Variants in ELK3 observed in about 807,000 individuals in gnomAD.
ELK3 encodes ETS domain-containing protein Elk-3.
ELK3 carries 10 observed loss-of-function variants against 28.9 expected under a neutral mutation model. The observed-to-expected ratio is 0.35, with a 90% CI of 0.21 to 0.59. The LOEUF (loss-of-function observed/expected upper bound fraction) is 0.59, where lower values mean the gene tolerates loss of function less well. Among genes scored for constraint, ELK3 ranks in the 20% least tolerant of loss-of-function variants. The probability of loss-of-function intolerance (pLI) is 0.82; values close to 1 mark genes in which losing one functional copy is unlikely to be tolerated. For missense variants in ELK3, 463 were observed against 517.3 expected (o/e 0.90, Z 1.02); for synonymous variants, 272 against 243.5 (o/e 1.12, Z -1.09).
chr12:96,242,790 G>A (rs1034621487), intron 2 of ELK3, among the ~76,000 whole-genome samples: 1 of 152,140 alleles, frequency 6.6e-6, no homozygotes, highest in Non-Finnish European at 1.5e-5. Context: ...TTCCCTCCCA[G>A]TTCCACTCTT....
intron 2 of ELK3, among the ~76,000 whole-genome samples, chr12:96,238,833 TG>T (rs1330430700): frequency 6.6e-6 from 1 of 152,214 alleles, no homozygotes; most frequent in African/African-American, 2.4e-5. Context: ...AGCACAGAGC[TG>T]GTTTTCCCAG....
At chr12:96,231,214 G>A (rs934918797) in intron 2 of ELK3, among the ~76,000 whole-genome samples, 2 of 151,832 alleles carry the variant, frequency 1.3e-5, no homozygotes, top group Non-Finnish European at 1.5e-5. Context: ...TTTTGGATAA[G>A]TTTTTTTTTC....
intron 4 of ELK3, among the ~76,000 whole-genome samples, chr12:96,266,048 A>C (rs948330006): frequency 6.6e-6 from 1 of 152,228 alleles, no homozygotes; most frequent in Non-Finnish European, 1.5e-5. Flanking sequence ...ACTTATTTGA[A>C]ATCTGTTTTC....
chr12:96,196,456 C>T (rs962977764), intron 1 of ELK3, among the ~76,000 whole-genome samples: 10 of 152,064 alleles, frequency 6.6e-5, no homozygotes, highest in Admixed American at 6.5e-4. Context: ...GGCATCTATT[C>T]ATGAGCCGAA....
chr12:96,219,382 TG>T (rs1188319645), intron 1 of ELK3, among the ~76,000 whole-genome samples: 2 of 152,220 alleles, frequency 1.3e-5, no homozygotes, highest in African/African-American at 4.8e-5. Flanking sequence ...TAGCGGTTAT[TG>T]GAAGGGCGTA....
intron 3 of ELK3, among the ~76,000 whole-genome samples, chr12:96,254,970 A>C (rs1161902749): frequency 6.6e-6 from 1 of 152,088 alleles, no homozygotes; most frequent in Non-Finnish European, 1.5e-5. Context: ...GGAAGCATTG[A>C]AGGGGTATGA....
At chr12:96,260,301 A>C (rs1267058642) in intron 4 of ELK3, among the ~76,000 whole-genome samples, 1 of 151,360 alleles carries the variant, frequency 6.6e-6, no homozygotes, top group Non-Finnish European at 1.5e-5. Flanking sequence ...AATGAAAATA[A>C]ATATTATTAT....
chr12:96,221,416 C>A (rs536739659), intron 1 of ELK3, among the ~76,000 whole-genome samples: 34 of 152,308 alleles, frequency 2.2e-4, no homozygotes, highest in African/African-American at 8.2e-4. Context: ...CGACCACTTT[C>A]CCACCTGGCA....
At chr12:96,234,111 C>T (rs1476131359) in intron 2 of ELK3, among the ~76,000 whole-genome samples, 1 of 152,156 alleles carries the variant, frequency 6.6e-6, no homozygotes, top group African/African-American at 2.4e-5. Context: ...CAGCTGGTAT[C>T]AGGGGACCAG....
intron 2 of ELK3, among the ~76,000 whole-genome samples, chr12:96,230,409 TAAAAG>T (rs753493198): frequency 3.3e-5 from 5 of 152,164 alleles, no homozygotes; most frequent in Admixed American, 6.5e-5. Flanking sequence ...AAATTATACT[TAAAAG>T]GAGAGTGTTG....
At chr12:96,218,900 G>A (rs550296460) in intron 1 of ELK3, among the ~76,000 whole-genome samples, 134 of 152,194 alleles carry the variant, frequency 8.8e-4, no homozygotes, top group Non-Finnish European at 1.5e-3. Context: ...CGCCCGCCTC[G>A]GCCTCGCAAA....
At chr12:96,263,296 C>T (rs576034478) in intron 4 of ELK3, among the ~76,000 whole-genome samples, 8 of 152,256 alleles carry the variant, frequency 5.3e-5, no homozygotes, top group African/African-American at 1.9e-4. Flanking sequence ...GCACCGAAGA[C>T]ATTGTGCTAA....
chr12:96,227,009 T>C (rs1951707377), intron 2 of ELK3, among the ~76,000 whole-genome samples: 1 of 152,222 alleles, frequency 6.6e-6, no homozygotes, highest in South Asian at 2.1e-4. Context: ...TAGGTGTAAG[T>C]TGACTGTGTG....
At chr12:96,245,422 T>C (rs1275638811) in intron 2 of ELK3, among the ~76,000 whole-genome samples, 2 of 152,184 alleles carry the variant, frequency 1.3e-5, no homozygotes, top group African/African-American at 4.8e-5. Context: ...CCCTGGGATC[T>C]TGTTTGTGTC....
intron 3 of ELK3, among the ~76,000 whole-genome samples, chr12:96,254,469 C>T (rs1169645001): frequency 6.6e-6 from 1 of 152,150 alleles, no homozygotes; most frequent in Non-Finnish European, 1.5e-5. Flanking sequence ...TAGGACCTAG[C>T]CATGACAACA....
At chr12:96,253,461 GT>G (rs1237150835) in intron 3 of ELK3, among the ~76,000 whole-genome samples, 1 of 152,084 alleles carries the variant, frequency 6.6e-6, no homozygotes, top group Non-Finnish European at 1.5e-5. Flanking sequence ...CTCCTTTTCC[GT>G]AGGATCAGTG....
chr12:96,214,511 G>T (rs1951597250), intron 1 of ELK3, among the ~76,000 whole-genome samples: 2 of 151,600 alleles, frequency 1.3e-5, no homozygotes, highest in Non-Finnish European at 2.9e-5. Context: ...AAATAGGTGA[G>T]CAATACCTAC....
intron 1 of ELK3, among the ~76,000 whole-genome samples, chr12:96,210,601 C>CT (rs1323268281): frequency 1.1e-4 from 11 of 104,582 alleles, no homozygotes; most frequent in Non-Finnish European, 2.1e-4. Flanking sequence ...ACACACACCC[C>CT]GAGTGGGAGG....
At chr12:96,242,284 C>G in intron 2 of ELK3, among the ~76,000 whole-genome samples, 1 of 152,170 alleles carries the variant, frequency 6.6e-6, no homozygotes, top group East Asian at 1.9e-4. Context: ...TGCCTGGGTA[C>G]CATCTGTTCT....
Sources: gnomAD v4.1 joint callset for allele counts (sites outside exome capture counted in the v4.1 genomes callset) on GRCh38, gnomAD v4.1.1 for gene constraint, MANE v1.5 for transcripts, NCBI Gene and HGNC (gene_info 2026-07-23, HGNC 2026-07-21) for gene names.